The following DNAAF19 variants were observed in gnomAD, a reference collection of about 807,000 sequenced individuals.
DNAAF19 encodes coiled-coil domain containing 103.
At chr17:44,902,818 T>C in the DNAAF19 span, 1 of 1,538,354 alleles carries the variant, frequency 6.5e-7, no homozygotes, top group Non-Finnish European at 8.8e-7. Flanking sequence ...GGTTGACTGA[T>C]GCGGCAAGCT....
the DNAAF19 span, chr17:44,904,484 G>A: frequency 6.5e-7 from 1 of 1,548,298 alleles, no homozygotes; most frequent in Non-Finnish European, 8.7e-7. Context: ...CTCAAGGGCT[G>A]TGCCAAGGAA....
the DNAAF19 span, chr17:44,904,697 C>A: frequency 9.7e-6 from 15 of 1,550,604 alleles, no homozygotes; most frequent in Non-Finnish European, 1.3e-5. Flanking sequence ...CATCTCCTGT[C>A]CTGGGGCCCG....
At chr17:44,899,887 G>A in the DNAAF19 span, 2 of 152,242 alleles carry the variant, frequency 1.3e-5, no homozygotes, top group African/African-American at 4.8e-5. Flanking sequence ...AATGCCTGGG[G>A]AGGGCTGAGA....
At chr17:44,902,861 GT>G in the DNAAF19 span, 15 of 1,472,282 alleles carry the variant, frequency 1.0e-5, no homozygotes, top group Non-Finnish European at 1.3e-5. Flanking sequence ...ACTGGAGGCA[GT>G]TTTTTGGTTG....
At chr17:44,904,553 C>T in the DNAAF19 span, 4 of 1,550,588 alleles carry the variant, frequency 2.6e-6, no homozygotes, top group Non-Finnish European at 3.5e-6. Context: ...CTGCTTAGTA[C>T]CCTGTGAGAA....
the DNAAF19 span, chr17:44,901,251 T>G: frequency 7.6e-7 from 1 of 1,316,986 alleles, no homozygotes; most frequent in Non-Finnish European, 1.0e-6. Context: ...GTCTACTGTT[T>G]GATCTTATGC....
the DNAAF19 span, chr17:44,904,503 C>T: frequency 6.5e-7 from 1 of 1,549,384 alleles, no homozygotes; most frequent in Non-Finnish European, 8.7e-7. Context: ...AAGCTGCGGA[C>T]CAAGGCCAGG....
chr17:44,903,994 C>A, the DNAAF19 span: 34 of 1,550,526 alleles, frequency 2.2e-5, no homozygotes, highest in Admixed American at 5.9e-5. Context: ...CCTGTCACTG[C>A]AAACCCGAAG....
chr17:44,901,149 C>T, the DNAAF19 span: 1 of 1,600,622 alleles, frequency 6.2e-7, no homozygotes. Context: ...CAGGTTGGCT[C>T]ACTGCCATTT....
chr17:44,900,961 A>G, the DNAAF19 span: 80 of 1,569,430 alleles, frequency 5.1e-5, no homozygotes, highest in African/African-American at 1.0e-3. Context: ...TTGACTGTCC[A>G]CTGACATGTA....
chr17:44,902,112 C>A, the DNAAF19 span, among the ~76,000 whole-genome samples: 2 of 152,242 alleles, frequency 1.3e-5, no homozygotes, highest in East Asian at 3.8e-4. Flanking sequence ...AGAGCTATGT[C>A]TCCATTCATG....
the DNAAF19 span, chr17:44,905,073 A>T: frequency 2.0e-6 from 3 of 1,521,740 alleles, no homozygotes; most frequent in Non-Finnish European, 2.7e-6. Context: ...TCCCCCTAGG[A>T]GCTCTCTTCA....
At chr17:44,901,666 T>C in the DNAAF19 span, 2 of 1,613,544 alleles carry the variant, frequency 1.2e-6, no homozygotes. Flanking sequence ...GGTGAGGCCC[T>C]GCCCCTTTAG....
At chr17:44,903,671 T>C in the DNAAF19 span, 1 of 1,435,522 alleles carries the variant, frequency 7.0e-7, no homozygotes, top group South Asian at 1.5e-5. Flanking sequence ...TAAATTGCCT[T>C]GCACTTGGCG....
the DNAAF19 span, chr17:44,901,575 G>A: frequency 6.2e-7 from 1 of 1,614,126 alleles, no homozygotes; most frequent in Non-Finnish European, 8.5e-7. Flanking sequence ...TAAGATGGGA[G>A]GAAAGAGAAC....
the DNAAF19 span, chr17:44,904,188 C>G: frequency 1.2e-5 from 19 of 1,550,402 alleles, no homozygotes; most frequent in Non-Finnish European, 1.5e-5. Flanking sequence ...TCTGAGGACT[C>G]AGGCCTGTAC....
the DNAAF19 span, chr17:44,903,747 G>A: frequency 1.6e-5 from 23 of 1,463,646 alleles, no homozygotes; most frequent in East Asian, 2.5e-5. Context: ...AGAGGCTTCC[G>A]CTTAGCAGAG....
At chr17:44,900,010 G>C in the DNAAF19 span, among the ~76,000 whole-genome samples, 1,692 of 152,078 alleles carry the variant, frequency 0.011, 45 homozygotes, top group Admixed American at 0.061. Flanking sequence ...GCTTCCTTGC[G>C]CTAGGGCTGT....
At chr17:44,902,292 G>A in the DNAAF19 span, 1 of 1,579,650 alleles carries the variant, frequency 6.3e-7, no homozygotes, top group South Asian at 1.1e-5. Context: ...AAGAGCTACA[G>A]GCTCCCCTCC....
Sources: gnomAD v4.1 joint callset for allele counts (sites outside exome capture counted in the v4.1 genomes callset) on GRCh38, gnomAD v4.1.1 for gene constraint, MANE v1.5 for transcripts, NCBI Gene and HGNC (gene_info 2026-07-23, HGNC 2026-07-21) for gene names.